The following TMOD3 variants were observed in gnomAD, a reference collection of about 807,000 sequenced individuals.
TMOD3 encodes tropomodulin 3, also known as tropomodulin-3.
A neutral mutation model predicts 39.2 loss-of-function variants in TMOD3; 20 were observed. The observed-to-expected ratio is 0.51, with a 90% CI of 0.36 to 0.74. The LOEUF is 0.74. Ranked by LOEUF, TMOD3 falls within the 30% of genes least tolerant of loss-of-function variation. The pLI is 0.00. For synonymous variants in TMOD3, 143 were observed against 145.8 expected (o/e 0.98, Z 0.14); for missense variants, 381 against 412.8 (o/e 0.92, Z 0.67).
chr15:51,884,004 C>G (rs1245320585), intron 3 of TMOD3, among the ~76,000 whole-genome samples: 1 of 152,154 alleles, frequency 6.6e-6, no homozygotes, highest in Non-Finnish European at 1.5e-5. Flanking sequence ...AGATTAATCA[C>G]CAGAATTCCA....
chr15:51,851,440 G>A (rs1268864715), intron 1 of TMOD3, among the ~76,000 whole-genome samples: 1 of 152,128 alleles, frequency 6.6e-6, no homozygotes, highest in African/African-American at 2.4e-5. Flanking sequence ...ATGTTCTTTG[G>A]TTTAGACTGT....
rs150019264 is a variant in TMOD3, at chr15:51,880,940, A to G, written c.284-6649A>G. Among the ~76,000 whole-genome samples, 1,423 of 152,324 alleles carry G rather than the reference A, an allele frequency of 9.3e-3. 11 individuals are homozygous for G. The highest frequency in any genetic ancestry group is 0.024 in the Middle Eastern group (7 of 294). Reference sequence around the variant, plus strand: ...GCGGTATTGTACCTTCTCACCAGTAATGTACCAGGGTTGAAATTTCTCCAC... The same window carrying G: ...GCGGTATTGTACCTTCTCACCAGTAGTGTACCAGGGTTGAAATTTCTCCAC... On this transcript the variant is annotated intron_variant, in intron 3 of 9. Transcript: ENST00000308580.
chr15:51,890,163 T>A (rs911615975), intron 5 of TMOD3, among the ~76,000 whole-genome samples: 1 of 151,776 alleles, frequency 6.6e-6, no homozygotes, highest in Non-Finnish European at 1.5e-5. Flanking sequence ...ATAATTCTAT[T>A]AGCTAATTTT....
At chr15:51,908,734 T>C in intron 9 of TMOD3, 42 bp from the exon 10 acceptor site, 2 of 1,546,418 alleles carry the variant, frequency 1.3e-6, no homozygotes. Context: ...TTGTAAAAAC[T>C]AATAGGGATT....
chr15:51,884,580 T>C (rs1036094012), intron 3 of TMOD3: 3 of 152,206 alleles, frequency 2.0e-5, no homozygotes, highest in African/African-American at 7.2e-5. Context: ...CAGTGGTGTT[T>C]ACAGCTAATT....
chr15:51,899,979 C>G (rs1314357969), intron 7 of TMOD3, among the ~76,000 whole-genome samples, 176 bp from the exon 8 acceptor site: 4 of 152,154 alleles, frequency 2.6e-5, no homozygotes, highest in Non-Finnish European at 4.4e-5. Flanking sequence ...GGAACCAACC[C>G]CCAACAAATA....
intron 3 of TMOD3, among the ~76,000 whole-genome samples, chr15:51,886,775 C>A (rs76174896): frequency 1.3e-5 from 2 of 152,078 alleles, no homozygotes; most frequent in African/African-American, 4.8e-5. Context: ...TAACCTTGTT[C>A]GTGTACGTTG....
At chr15:51,887,160 G>T (rs1373971427) in intron 3 of TMOD3, among the ~76,000 whole-genome samples, 2 of 150,538 alleles carry the variant, frequency 1.3e-5, no homozygotes, top group African/African-American at 4.9e-5. Flanking sequence ...GGTGGAGGTT[G>T]CAGTGAGCCA....
intron 3 of TMOD3, among the ~76,000 whole-genome samples, chr15:51,874,581 A>G (rs1032444144): frequency 9.9e-5 from 15 of 152,236 alleles, no homozygotes; most frequent in Middle Eastern, 3.2e-3. Flanking sequence ...TTTACATAGC[A>G]TGCATATTCT....
intron 3 of TMOD3, among the ~76,000 whole-genome samples, chr15:51,872,856 T>C (rs1208079792): frequency 6.6e-6 from 1 of 152,212 alleles, no homozygotes; most frequent in Non-Finnish European, 1.5e-5. Context: ...TTCTCTGTCA[T>C]GGAGGAGCGG....
intron 1 of TMOD3, among the ~76,000 whole-genome samples, chr15:51,832,678 A>G (rs2056262526): frequency 6.6e-6 from 1 of 152,182 alleles, no homozygotes; most frequent in Non-Finnish European, 1.5e-5. Context: ...AAACTAAAAC[A>G]AAAGAGAAAA....
chr15:51,900,096 C>T lies in TMOD3; in HGVS notation c.736-59C>T, dbSNP rs2056641939. On this transcript the variant is annotated intron_variant, in intron 7 of 9. Coordinates refer to ENST00000308580, the MANE Select transcript of TMOD3 (RefSeq NM_014547.5). ...TTAATGTATTTATTTATGGCATGTA[C>T]AATATGTAGTAGGTACTGTATCAAA... The T allele has an allele frequency of 6.7e-6, 10 of 1,498,232 alleles. No individual in the cohort carries two copies. The South Asian group carries it at 7.1e-5, about 11-fold the overall frequency. 92.8% of individuals were successfully genotyped at this position (1,498,232 alleles called of 1,614,324 possible).
At chr15:51,877,732 A>G (rs2056512195) in intron 3 of TMOD3, among the ~76,000 whole-genome samples, 1 of 151,404 alleles carries the variant, frequency 6.6e-6, no homozygotes, top group Non-Finnish European at 1.5e-5. Context: ...TGTTCAGTCT[A>G]GGGCTAATTA....
intron 5 of TMOD3, among the ~76,000 whole-genome samples, chr15:51,889,614 T>A (rs2056582274): frequency 6.6e-6 from 1 of 152,192 alleles, no homozygotes; most frequent in Non-Finnish European, 1.5e-5. Flanking sequence ...GGATCATGAC[T>A]GTAATTTCAT....
chr15:51,861,544 G>A (rs896505010), intron 1 of TMOD3, among the ~76,000 whole-genome samples: 1 of 130,984 alleles, frequency 7.6e-6, no homozygotes, highest in Admixed American at 8.1e-5. Context: ...AAACTTGAGG[G>A]AAGGGGTAGT....
chr15:51,842,599 G>T (rs1389483337), intron 1 of TMOD3, among the ~76,000 whole-genome samples: 1 of 152,128 alleles, frequency 6.6e-6, no homozygotes, highest in Non-Finnish European at 1.5e-5. Context: ...TAGGCATGAG[G>T]TTTTCTACAT....
chr15:51,900,027 T>C, intron 7 of TMOD3, 128 bp from the exon 8 acceptor site: 1 of 914,882 alleles, frequency 1.1e-6, no homozygotes, highest in Non-Finnish European at 1.6e-6. Context: ...TATGGGCTAC[T>C]GTGTCAAACT....
At chr15:51,878,376 A>ATATGTGTGTGTGTGTG (rs112690572) in intron 3 of TMOD3, among the ~76,000 whole-genome samples, 3 of 147,426 alleles carry the variant, frequency 2.0e-5, no homozygotes, top group Admixed American at 1.4e-4. Context: ...TTTAAAATAT[A>ATATGTGTGTGTGTGTG]TGTGTGTGTG....
intron 6 of TMOD3, 99 bp downstream of exon 6, chr15:51,894,044 T>C (rs981794442): frequency 1.7e-6 from 2 of 1,154,200 alleles, no homozygotes; most frequent in African/African-American, 1.6e-5. Context: ...CTTTCTACTT[T>C]AACGTAAAGT....
Sources: allele counts gnomAD v4.1 joint callset (sites outside exome capture counted in the v4.1 genomes callset), GRCh38; gene constraint gnomAD v4.1.1; transcripts MANE v1.5; gene names NCBI Gene and HGNC (gene_info 2026-07-23, HGNC 2026-07-21).